SDK2: variants seen among roughly 807,000 people sequenced by gnomAD.
The protein encoded by SDK2 is protein sidekick-2.
A neutral mutation model predicts 253.9 loss-of-function variants in SDK2; 105 were observed. That is an observed-to-expected ratio of 0.41 (90% confidence interval 0.35 to 0.49). The LOEUF (loss-of-function observed/expected upper bound fraction) is 0.49, where lower values mean the gene tolerates loss of function less well. Ranked by LOEUF, SDK2 falls within the 20% of genes least tolerant of loss-of-function variation. The pLI is 0.06. For synonymous variants in SDK2, 1,249 were observed against 1,234.9 expected, an observed-to-expected ratio of 1.01 and a Z score of -0.24; for missense variants, 2,608 against 3,003.0, an observed-to-expected ratio of 0.87 and a Z score of 3.07.
chr17:73,389,398 G>A (rs1021356043), intron 29 of SDK2, among the ~76,000 whole-genome samples: 6 of 151,968 alleles, frequency 3.9e-5, no homozygotes, highest in Non-Finnish European at 8.8e-5. Context: ...TGGCCAGGAC[G>A]GCCTTGAACT....
At chr17:73,462,102 G>C (rs906847508) in intron 3 of SDK2, among the ~76,000 whole-genome samples, 1 of 151,974 alleles carries the variant, frequency 6.6e-6, no homozygotes, top group African/African-American at 2.4e-5. Context: ...GGGATGGATG[G>C]TTGTTTATGC....
intron 2 of SDK2, among the ~76,000 whole-genome samples, chr17:73,497,225 C>A (rs571561380): frequency 6.6e-6 from 1 of 152,182 alleles, no homozygotes; most frequent in African/African-American, 2.4e-5. Context: ...AATCCAGCAG[C>A]GGTTGACACA....
At chr17:73,498,192 C>T (rs1486226296) in intron 2 of SDK2, among the ~76,000 whole-genome samples, 21 of 152,228 alleles carry the variant, frequency 1.4e-4, no homozygotes, top group Admixed American at 1.4e-3. Context: ...ATTGTAGTAA[C>T]CCAGGGATGC....
intron 1 of SDK2, among the ~76,000 whole-genome samples, chr17:73,530,182 C>T (rs989438735): frequency 1.3e-5 from 2 of 152,190 alleles, no homozygotes; most frequent in African/African-American, 2.4e-5. Flanking sequence ...TCCATTTTCA[C>T]ACTGCTATAA....
chr17:73,453,577 A>G (rs1219062070), intron 4 of SDK2, among the ~76,000 whole-genome samples: 1 of 152,100 alleles, frequency 6.6e-6, no homozygotes, highest in Non-Finnish European at 1.5e-5. Flanking sequence ...GGATTTTGCC[A>G]GGTTGGCCAG....
chr17:73,412,096 ATATATG>A (rs1303135348), intron 18 of SDK2, among the ~76,000 whole-genome samples: 1 of 93,860 alleles, frequency 1.1e-5, no homozygotes, highest in Non-Finnish European at 2.4e-5. Context: ...ATATATACGT[ATATATG>A]TATACGTATA....
At chr17:73,497,650 C>A (rs1599622021) in intron 2 of SDK2, among the ~76,000 whole-genome samples, 1 of 151,136 alleles carries the variant, frequency 6.6e-6, no homozygotes, top group Non-Finnish European at 1.5e-5. Context: ...ATCTCAGACC[C>A]ATCCGCTCCC....
intron 1 of SDK2, among the ~76,000 whole-genome samples, chr17:73,562,592 G>A (rs1042952882): frequency 2.0e-5 from 3 of 152,132 alleles, no homozygotes; most frequent in African/African-American, 4.8e-5. Flanking sequence ...AGGCGTGGGA[G>A]GGGGTTGGGA....
In SDK2 at chr17:73,447,815, T is replaced by C; in HGVS notation, c.480-67A>G. ...GCTCTGAACCTCCAGGGAGTGGGAG[T>C]GGAAACCCTAAGGGGGAAGCCCGAC... On this transcript the variant is annotated intron_variant, in intron 4 of 44. Transcript: ENST00000392650. The surrounding 1 kb of genome is among the most constrained non-coding windows in gnomAD (Gnocchi z 4.0). 6.5e-7 allele frequency: 1 copy of C among 1,540,256 alleles called. No homozygotes were observed. The highest frequency in any genetic ancestry group is 8.8e-7 in the Non-Finnish European group (1 of 1,138,306).
intron 1 of SDK2, among the ~76,000 whole-genome samples, chr17:73,507,925 G>T (rs539652098): frequency 6.6e-6 from 1 of 152,310 alleles, no homozygotes; most frequent in African/African-American, 2.4e-5. Context: ...TCTGCTCATG[G>T]GTTCCCCCTC....
At position 73,368,569 on chromosome 17, in the gene SDK2, C is replaced by A; in HGVS notation, c.5005G>T (p.Gly1669Trp). 6.3e-7 allele frequency: 1 copy of A among 1,594,742 alleles called. No individual in the cohort carries two copies. The highest frequency in any genetic ancestry group is 8.5e-7 in the Non-Finnish European group (1 of 1,171,482). Residue 1669 changes from glycine to tryptophan, a missense_variant, in exon 37 of 45, where the codon GGG (glycine) becomes TGG (tryptophan). Gly to Trp is a radical substitution (Grantham distance 184). Coordinates refer to ENST00000392650, the MANE Select transcript of SDK2 (RefSeq NM_001144952.2). ...YKIYFWEAQR[G>W]NLTERVKTLF... Reference sequence around the variant, plus strand: ...GTCTTCACTCGCTCTGTGAGGTTCCCCCGCTGGGCTTCCCAGAAATAAATC... The same window carrying A: ...GTCTTCACTCGCTCTGTGAGGTTCCACCGCTGGGCTTCCCAGAAATAAATC...
chr17:73,447,451 G>A lies in SDK2; in HGVS notation c.613+164C>T, dbSNP rs1393002215. Reference sequence around the variant, plus strand: ...GCTCCTTTCCTGCCCAGGCACCCCTGGCTCTGCTGTGTCTCGTCCTCCTTG... The same window carrying A: ...GCTCCTTTCCTGCCCAGGCACCCCTAGCTCTGCTGTGTCTCGTCCTCCTTG... On this transcript the variant is annotated intron_variant, in intron 5 of 44. Transcript: ENST00000392650. This position sits in a 1 kb window ranked among gnomAD's most constrained non-coding sequence, Gnocchi z 4.0. 6.6e-6 allele frequency among the ~76,000 whole-genome samples: 1 copy of A among 152,120 alleles called. No individual in the cohort carries two copies. Among genetic ancestry groups the A allele is most frequent in the Non-Finnish European group, 1.5e-5 (1 of 68,022 alleles).
At position 73,511,070 on chromosome 17, in the gene SDK2, G is replaced by A. The variant is rs1280536588; in HGVS notation, c.65-3473C>T. 1.3e-5 allele frequency among the ~76,000 whole-genome samples: 2 copies of A among 152,198 alleles called. No individual in the cohort carries two copies. The highest frequency in any genetic ancestry group is 3.8e-4 in the East Asian group (2 of 5,196). On this transcript the variant is annotated intron_variant, in intron 1 of 44. Coordinates refer to ENST00000392650, the MANE Select transcript of SDK2 (RefSeq NM_001144952.2). The surrounding 1 kb of genome is among the most constrained non-coding windows in gnomAD (Gnocchi z 4.9). The stretch of plus-strand genomic sequence containing the variant: ...AGGACCCACTGCCCGCCGCCCGGCT[G>A]GCAGCAGCCAGCTCTGCTCTCAGCT...
intron 36 of SDK2, among the ~76,000 whole-genome samples, chr17:73,377,063 T>C (rs2062787753): frequency 6.6e-6 from 1 of 152,086 alleles, no homozygotes. Flanking sequence ...GCGTCTCTCC[T>C]ACTCCCCACT....
At chr17:73,635,572 C>T (rs1419840894) in intron 1 of SDK2, among the ~76,000 whole-genome samples, 1 of 152,152 alleles carries the variant, frequency 6.6e-6, no homozygotes, top group Non-Finnish European at 1.5e-5. Context: ...TGGTGTCCGC[C>T]CCAGATGCCA....
At chr17:73,453,171 T>C (rs12950812) in intron 4 of SDK2, among the ~76,000 whole-genome samples, 40,157 of 152,028 alleles carry the variant, frequency 0.26, 5,882 homozygotes, top group Non-Finnish European at 0.33. Flanking sequence ...CATGGGATGT[T>C]AGCAGAAGCT....
At chr17:73,490,610 C>G (rs2145728238) in intron 2 of SDK2, among the ~76,000 whole-genome samples, 1 of 148,980 alleles carries the variant, frequency 6.7e-6, no homozygotes, top group African/African-American at 2.5e-5. Context: ...TCACTGCAGC[C>G]TCGACCTCCT....
chr17:73,440,918 C>T lies in SDK2; in HGVS notation c.619G>A (p.Gly207Arg). 1 of 1,547,538 alleles carries T rather than the reference C, an allele frequency of 6.5e-7. No homozygotes were observed. ...QPITLTVENV[G>R]GPADPIAPTI... ...GGTGCGATGGGGTCTGCAGGCCCCC[C>T]TACATCTGGAGAGAGATCAGATGTT... is the stretch of plus-strand genomic sequence containing the variant. The change falls in exon 6 of 45, where the codon GGG (glycine) becomes AGG (arginine). Residue 207 changes from glycine to arginine, a missense_variant. This residue lies in a region of SDK2 where 1,505 missense variants were observed against 1,859.1 expected (regional missense o/e 0.81). Transcript: ENST00000392650.
rs145478563 is a variant in SDK2, at chr17:73,456,910, T to C, written c.332-857A>G. 4.1e-3 allele frequency among the ~76,000 whole-genome samples: 630 copies of C among 152,354 alleles called. 3 individuals carry two copies. The highest frequency in any genetic ancestry group is 0.014 in the African/African-American group (597 of 41,578). On this transcript the variant is annotated intron_variant, in intron 3 of 44. Coordinates refer to ENST00000392650, the MANE Select transcript of SDK2 (RefSeq NM_001144952.2). ...TCTCTACCACACCCTTGAAAATTAATGGACATCCCTGTTACTTTGATTGTG... is the reference window on the plus strand; with the variant it reads ...TCTCTACCACACCCTTGAAAATTAACGGACATCCCTGTTACTTTGATTGTG...
Sources: gnomAD v4.1 joint callset for allele counts (sites outside exome capture counted in the v4.1 genomes callset) on GRCh38, gnomAD v4.1.1 for gene constraint, gnomAD v4.1.1 regional missense constraint, Gnocchi (gnomAD v3.1) non-coding constraint, MANE v1.5 for transcripts, NCBI Gene and HGNC (gene_info 2026-07-23, HGNC 2026-07-21) for gene names.